Variants in EP300 observed in about 807,000 individuals in gnomAD.
EP300 encodes the protein EP300 lysine acetyltransferase.
A neutral mutation model predicts 264.0 loss-of-function variants in EP300; 31 were observed. That is an observed-to-expected ratio of 0.12 (90% confidence interval 0.09 to 0.16). The LOEUF is 0.16. Ranked by LOEUF, EP300 falls within the 10% of genes least tolerant of loss-of-function variation. The pLI is 1.00. For missense variants in EP300, 2,766 were observed against 3,052.9 expected (o/e 0.91, Z 2.21); for synonymous variants, 1,340 against 1,045.4 (o/e 1.28, Z -5.44).
rs1348152044 is a variant in EP300, at chr22:41,168,718, T to C, written c.4026-3T>C. 1 of 1,614,116 alleles carries C rather than the reference T, an allele frequency of 6.2e-7. No individual in the cohort carries two copies. Among genetic ancestry groups the C allele is most frequent in the Admixed American group, 1.7e-5 (1 of 60,004 alleles). On this transcript the variant is annotated splice_polypyrimidine_tract_variant and splice_region_variant and intron_variant, in intron 24 of 30. Transcript: ENST00000263253. ...TGGTTCCCCCACCATCTCAATTGTA[T>C]AGGTTTGTGGACAGTGGAGAGATGG...
rs769846473 is a variant in EP300 at position 41,169,592 on chromosome 22, A to G, written c.4262A>G (p.Tyr1421Cys). ...GTCTATCATGAAATCCTAATTGGAT[A>G]TTTAGAATATGTCAAGAAATTAGGG... ...TAVYHEILIG[Y>C]LEYVKKLGYT... The change falls in exon 26 of 31, where the codon TAT (tyrosine) becomes TGT (cysteine). Residue 1421 changes from tyrosine to cysteine, a missense_variant. Transcript: ENST00000263253. 2.5e-6 allele frequency: 4 copies of G among 1,603,366 alleles called. No homozygotes were observed. The highest frequency in any genetic ancestry group is 2.2e-5 in the South Asian group (2 of 90,830).
intron 20 of EP300, among the ~76,000 whole-genome samples, chr22:41,161,649 C>T (rs1024845417): frequency 5.3e-5 from 8 of 151,880 alleles, no homozygotes; most frequent in African/African-American, 1.7e-4. Flanking sequence ...AAAAAAGTAA[C>T]TTAAGATGTA....
At position 41,096,176 on chromosome 22, in the gene EP300, T is replaced by G. The variant is rs1467808964; in HGVS notation, c.94+3078T>G. ...CCCTCTCCCTCCAAAAAAAAAAGATTATGAAAGCCACTTGTAAACTTTTTT... is the reference window on the plus strand; with the variant it reads ...CCCTCTCCCTCCAAAAAAAAAAGATGATGAAAGCCACTTGTAAACTTTTTT... On this transcript the variant is annotated intron_variant, in intron 1 of 30. Transcript: ENST00000263253. Among the ~76,000 whole-genome samples the G allele has an allele frequency of 5.9e-5, 9 of 152,162 alleles. No homozygotes were observed. In the South Asian group the frequency reaches 1.7e-3, roughly 28 times the overall value.
At chr22:41,167,212 A>C (rs1294077247) in intron 23 of EP300, among the ~76,000 whole-genome samples, 1 of 152,066 alleles carries the variant, frequency 6.6e-6, no homozygotes, top group Non-Finnish European at 1.5e-5. Context: ...GGCCAGGCTG[A>C]TCTCAAACTC....
intron 6 of EP300, 97 bp downstream of exon 6, chr22:41,131,730 C>A: frequency 6.4e-7 from 1 of 1,570,282 alleles, no homozygotes; most frequent in Non-Finnish European, 8.7e-7. Context: ...TTTTCTGCTA[C>A]ATGATTTTTT....
chr22:41,130,053 A>G (rs1490824162), intron 5 of EP300, 50 bp downstream of exon 5: 1 of 1,367,310 alleles, frequency 7.3e-7, no homozygotes, highest in East Asian at 2.3e-5. Flanking sequence ...TTAAAGTCTC[A>G]CCAGTGCCAT....
intron 3 of EP300, 162 bp downstream of exon 3, chr22:41,126,202 T>G (rs2058881440): frequency 4.3e-6 from 3 of 698,018 alleles, no homozygotes; most frequent in Admixed American, 2.7e-5. Context: ...GTGCTTCCTT[T>G]CCATTTCTCT....
intron 22 of EP300, among the ~76,000 whole-genome samples, chr22:41,165,875 TTCTCCTGCCTCAGCC>T (rs765722364): frequency 3.4e-4 from 51 of 152,086 alleles, no homozygotes; most frequent in African/African-American, 7.5e-4. Flanking sequence ...GTTCAGGCAA[TTCTCCTGCCTCAGCC>T]TCTCCTGCCT....
At chr22:41,119,559 T>A (rs2145700009) in intron 2 of EP300, among the ~76,000 whole-genome samples, 1 of 152,258 alleles carries the variant, frequency 6.6e-6, no homozygotes, top group South Asian at 2.1e-4. Flanking sequence ...ACTTATTTTA[T>A]GTAACCTACT....
intron 10 of EP300, among the ~76,000 whole-genome samples, chr22:41,144,163 C>G (rs1382721020): frequency 6.6e-6 from 1 of 152,064 alleles, no homozygotes; most frequent in Non-Finnish European, 1.5e-5. Context: ...AGAAAAAGTT[C>G]TGGAAGAAGT....
chr22:41,105,702 G>C (rs2058755000), intron 1 of EP300, among the ~76,000 whole-genome samples: 1 of 152,116 alleles, frequency 6.6e-6, no homozygotes, highest in Non-Finnish European at 1.5e-5. Flanking sequence ...TGGCGTGTTG[G>C]GGTTTAAAAA....
At chr22:41,148,653 G>T (rs1030598118) in intron 12 of EP300, among the ~76,000 whole-genome samples, 1 of 152,114 alleles carries the variant, frequency 6.6e-6, no homozygotes, top group African/African-American at 2.4e-5. Flanking sequence ...CATATTATGG[G>T]TCTTAGAATT....
At chr22:41,133,701 T>C (rs996127261) in intron 6 of EP300, among the ~76,000 whole-genome samples, 28 of 152,226 alleles carry the variant, frequency 1.8e-4, no homozygotes, top group Non-Finnish European at 3.2e-4. Context: ...TTTCCACTGC[T>C]GTGTTCTGTT....
At chr22:41,113,781 C>T (rs1263239094) in intron 1 of EP300, among the ~76,000 whole-genome samples, 3 of 152,182 alleles carry the variant, frequency 2.0e-5, no homozygotes, top group Non-Finnish European at 2.9e-5. Context: ...CTCCTGACCT[C>T]GTGATCCGCC....
intron 20 of EP300, among the ~76,000 whole-genome samples, chr22:41,161,935 G>T (rs1002551037): frequency 6.6e-6 from 1 of 152,184 alleles, no homozygotes; most frequent in African/African-American, 2.4e-5. Context: ...AGCCAGGAAG[G>T]TTAGCTCTAG....
At chr22:41,094,717 T>G (rs575248503) in intron 1 of EP300, among the ~76,000 whole-genome samples, 1 of 152,342 alleles carries the variant, frequency 6.6e-6, no homozygotes, top group Admixed American at 6.5e-5. Flanking sequence ...TCTTTCGTAT[T>G]TGTGTAATGT....
chr22:41,177,798 A>C lies in EP300; in HGVS notation c.6087A>C (p.Pro2029=), dbSNP rs2145519237. ...AQHGQPLNMA[P]QPGLGQVGIS... is the part of the protein sequence containing the mutation. ...ATGGTCAACCTTTGAACATGGCTCC[A>C]CAACCAGGATTGGGCCAGGTAGGTA... is the stretch of plus-strand genomic sequence containing the variant. The change falls in exon 31 of 31, where the codon CCA becomes CCC. Residue 2029 remains proline, a synonymous_variant. Transcript: ENST00000263253. 2 of 1,614,056 alleles carry C rather than the reference A, an allele frequency of 1.2e-6. No homozygotes were observed. Among genetic ancestry groups the C allele is most frequent in the Non-Finnish European group, 1.7e-6 (2 of 1,180,028 alleles).
In EP300 at chr22:41,117,486, A is replaced by T. The variant is rs748820102; in HGVS notation, c.394A>T (p.Thr132Ser). ...AAGCCCAATGACACAGGCAGGCTTG[A>T]CTTCTCCCAACATGGGGATGGGCAC... The part of the protein sequence containing the change: ...VKSPMTQAGL[T>S]SPNMGMGTSG... The change falls in exon 2 of 31, where the codon ACT (threonine) becomes TCT (serine). Residue 132 changes from threonine to serine, a missense_variant. Transcript: ENST00000263253. 322 of 1,613,502 alleles carry T rather than the reference A, an allele frequency of 2.0e-4. No homozygotes were observed. The highest frequency in any genetic ancestry group is 2.7e-4 in the Non-Finnish European group (319 of 1,179,512).
chr22:41,092,712 G>C lies in EP300; in HGVS notation c.-293G>C. 1.6e-6 allele frequency: 1 copy of C among 617,046 alleles called. No homozygotes were observed. The highest frequency in any genetic ancestry group is 2.9e-6 in the Non-Finnish European group (1 of 340,100). The allele number at this position is 617,046 out of a possible 1,614,324, so 38.2% of individuals were successfully genotyped here. A position where few individuals can be genotyped will look rare whatever the true frequency, so the allele number is the denominator to read the frequency against. Reference sequence around the variant, plus strand: ...GGGGACTGCGCCTCTAGAGCCGCGAGTTCTCGGGAATTCGCCGCAGCGGAC... The same window carrying C: ...GGGGACTGCGCCTCTAGAGCCGCGACTTCTCGGGAATTCGCCGCAGCGGAC... On this transcript the variant is annotated 5_prime_UTR_variant, in exon 1 of 31. Coordinates refer to ENST00000263253, the MANE Select transcript of EP300 (RefSeq NM_001429.4).
Sources: gnomAD v4.1 joint callset for allele counts (sites outside exome capture counted in the v4.1 genomes callset) on GRCh38, gnomAD v4.1.1 for gene constraint, MANE v1.5 for transcripts, NCBI Gene and HGNC (gene_info 2026-07-23, HGNC 2026-07-21) for gene names.